Variants in PNPT1 observed in about 807,000 individuals in gnomAD.
PNPT1 encodes the protein polyribonucleotide nucleotidyltransferase 1, mitochondrial.
Under a neutral mutation model 119.5 loss-of-function variants are expected in PNPT1, and 53 were observed. The observed-to-expected ratio is 0.44, with a 90% confidence interval of 0.36 to 0.56. The LOEUF (loss-of-function observed/expected upper bound fraction) is 0.56. Among genes scored for constraint, PNPT1 ranks in the 20% least tolerant of loss-of-function variants. PNPT1 has a pLI of 0.00. For synonymous variants in PNPT1, 357 were observed against 322.1 expected, an observed-to-expected ratio of 1.11 and a Z score of -1.16; for missense variants, 948 against 938.5, an observed-to-expected ratio of 1.01 and a Z score of -0.13.
chr2:55,684,188 A>C (rs1331905809), intron 4 of PNPT1, among the ~76,000 whole-genome samples: 1 of 152,234 alleles, frequency 6.6e-6, no homozygotes, highest in African/African-American at 2.4e-5. Context: ...CTGTATATAA[A>C]TATACATAAA....
In PNPT1 at chr2:55,693,514, C is replaced by T; in HGVS notation, c.161+149G>A. The T allele has an allele frequency of 5.1e-6, 6 of 1,177,190 alleles. No homozygotes were observed. In the East Asian group the frequency reaches 1.5e-4, roughly 30 times the overall value. The allele number at this position is 1,177,190 out of a possible 1,614,324, so 72.9% of individuals were successfully genotyped here. Reference sequence around the variant, plus strand: ...GGGTCCGAGGAGACACATTCCAAACCCGGAAAGGGAAATTTGGAATTTAGG... The same window carrying T: ...GGGTCCGAGGAGACACATTCCAAACTCGGAAAGGGAAATTTGGAATTTAGG... On this transcript the variant is annotated intron_variant, in intron 1 of 27. Transcript: ENST00000447944.
At chr2:55,650,770 G>T (rs1163838084) in intron 18 of PNPT1, among the ~76,000 whole-genome samples, 1 of 150,786 alleles carries the variant, frequency 6.6e-6, no homozygotes, top group Non-Finnish European at 1.5e-5. Context: ...AGTCTGAGAA[G>T]TGAGGAGCCC....
At position 55,673,082 on chromosome 2, in the gene PNPT1, A is replaced by T. The variant is rs778119158; in HGVS notation, c.680-3T>A. On this transcript the variant is annotated splice_polypyrimidine_tract_variant and splice_region_variant and intron_variant, in intron 8 of 27. Transcript: ENST00000447944. ...CTCTGCAGAGGCTTCCAACATGACTATTTAAAGGAAAAAGAAAAAAAAAAT... is the reference window on the plus strand; with the variant it reads ...CTCTGCAGAGGCTTCCAACATGACTTTTTAAAGGAAAAAGAAAAAAAAAAT... The T allele has an allele frequency of 3.2e-6, 5 of 1,548,644 alleles. No homozygotes were observed. In the African/African-American group the frequency reaches 4.2e-5, roughly 13 times the overall value.
At chr2:55,646,230 T>C (rs935545613) in intron 21 of PNPT1, 29 bp downstream of exon 21, 1 of 1,580,798 alleles carries the variant, frequency 6.3e-7, no homozygotes. Flanking sequence ...TGGAAAAGAA[T>C]GAAGGGAGAA....
chr2:55,644,990 A>G (rs1049537601), intron 22 of PNPT1: 3 of 324,640 alleles, frequency 9.2e-6, no homozygotes, highest in Non-Finnish European at 1.7e-5. Context: ...ATTCATTCAT[A>G]TATTAATGTT....
rs771353755 is a variant in PNPT1 at position 55,637,563 on chromosome 2, G to T, written c.2185C>A (p.Gln729Lys). 25 of 1,604,046 alleles carry T rather than the reference G, an allele frequency of 1.6e-5. No individual in the cohort carries two copies. Among genetic ancestry groups the T allele is most frequent in the Non-Finnish European group, 3.4e-6 (4 of 1,171,210 alleles). ...TGGAATACAAATACCTGAATTTCTT[G>T]GCCAACTTCTAATCCTAGGGCAGTA... The part of the protein sequence containing the change: ...HPTALGLEVG[Q>K]EIQVKYFGRD... Residue 729 changes from glutamine to lysine, a missense_variant, in exon 27 of 28, where the codon CAA (glutamine) becomes AAA (lysine). By Grantham distance (53) the Gln-to-Lys change is moderately conservative. Transcript: ENST00000447944.
chr2:55,637,872 C>A (rs11676033), intron 26 of PNPT1, among the ~76,000 whole-genome samples: 1 of 151,640 alleles, frequency 6.6e-6, no homozygotes. Context: ...TGGTGGCGGG[C>A]GCCTGTAGTC....
At chr2:55,685,138 AAC>A (rs1452056448) in intron 3 of PNPT1, 90 bp from the exon 4 acceptor site, 6 of 908,124 alleles carry the variant, frequency 6.6e-6, no homozygotes, top group Admixed American at 3.1e-5. Flanking sequence ...GGTTGCTAAC[AAC>A]ACAGTCTAGA....
chr2:55,681,057 T>C lies in PNPT1; in HGVS notation c.454-139A>G, dbSNP rs145893493. 157 of 670,784 alleles carry C rather than the reference T, an allele frequency of 2.3e-4. 1 individual carries two copies. The African/African-American group carries it at 2.6e-3, about 11-fold the overall frequency. 41.6% of individuals were successfully genotyped at this position (670,784 alleles called of 1,614,324 possible). A position where few individuals can be genotyped will look rare whatever the true frequency, so the allele number is the denominator to read the frequency against. On this transcript the variant is annotated intron_variant, in intron 5 of 27. Coordinates refer to ENST00000447944, the MANE Select transcript of PNPT1 (RefSeq NM_033109.5). ...TAATTTTGGCTGTCATTAAACGAAATGCTTGACATTGGATAAATTACTTAA... is the reference window on the plus strand; with the variant it reads ...TAATTTTGGCTGTCATTAAACGAAACGCTTGACATTGGATAAATTACTTAA...
intron 18 of PNPT1, among the ~76,000 whole-genome samples, chr2:55,650,755 C>G (rs369966530): frequency 6.6e-6 from 1 of 150,484 alleles, no homozygotes; most frequent in Non-Finnish European, 1.5e-5. Flanking sequence ...GCCCGGCAAC[C>G]GCCCAGTCTG....
intron 26 of PNPT1, among the ~76,000 whole-genome samples, chr2:55,637,855 C>A (rs1385916364): frequency 2.0e-5 from 3 of 151,918 alleles, no homozygotes; most frequent in Non-Finnish European, 4.4e-5. Flanking sequence ...AAAAAATTAG[C>A]CGGGCATGGT....
At chr2:55,641,093 G>T (rs539891594) in intron 25 of PNPT1, among the ~76,000 whole-genome samples, 1 of 151,692 alleles carries the variant, frequency 6.6e-6, no homozygotes, top group African/African-American at 2.4e-5. Flanking sequence ...GCCTGGTGGC[G>T]CGCACCTGTA....
At chr2:55,646,197 A>G in intron 21 of PNPT1, 62 bp downstream of exon 21, 1 of 1,434,512 alleles carries the variant, frequency 7.0e-7, no homozygotes, top group Non-Finnish European at 9.6e-7. Context: ...GCCTAATGAG[A>G]ACTATAGTTC....
intron 15 of PNPT1, among the ~76,000 whole-genome samples, chr2:55,659,874 G>A (rs1696508832): frequency 2.0e-5 from 3 of 152,156 alleles, no homozygotes; most frequent in Admixed American, 1.3e-4. Flanking sequence ...CAACTTTACT[G>A]TATCCTGGAA....
intron 18 of PNPT1, among the ~76,000 whole-genome samples, chr2:55,651,408 CTT>C (rs1379367358): frequency 6.6e-6 from 1 of 151,898 alleles, no homozygotes; most frequent in South Asian, 2.1e-4. Context: ...ACGTGGGAGA[CTT>C]TTCATTTTGT....
chr2:55,654,122 T>C (rs782567), intron 18 of PNPT1, among the ~76,000 whole-genome samples: 68,376 of 151,828 alleles, frequency 0.45, 16,321 homozygotes, highest in Non-Finnish European at 0.53. Flanking sequence ...CCAGGCGTGG[T>C]AGCACGCACC....
chr2:55,647,286 A>C, intron 19 of PNPT1, 61 bp downstream of exon 19: 2 of 1,338,210 alleles, frequency 1.5e-6, no homozygotes, highest in South Asian at 1.4e-5. Context: ...TTATCTTTTA[A>C]TTTTTATTTA....
intron 8 of PNPT1, among the ~76,000 whole-genome samples, chr2:55,676,538 A>C (rs1697078218): frequency 6.6e-6 from 1 of 152,178 alleles, no homozygotes; most frequent in Admixed American, 6.5e-5. Context: ...TGGAGTAACT[A>C]TTCTTGCCGT....
Position 55,685,001 on chromosome 2 carries a change from G to A in PNPT1, c.345C>T (p.Asn115=), listed in dbSNP as rs1428673175. 2 of 1,595,252 alleles carry A rather than the reference G, an allele frequency of 1.3e-6. No homozygotes were observed. The highest frequency in any genetic ancestry group is 2.7e-5 in the African/African-American group (2 of 74,644). The change falls in exon 4 of 28, where the codon AAC becomes AAT. Residue 115 remains asparagine, a synonymous_variant. Coordinates refer to ENST00000447944, the MANE Select transcript of PNPT1 (RefSeq NM_033109.5). ...KAAAAGRIPT[N]YLRREIGTSD... is the part of the protein sequence containing the mutation. ...AAGTACCAATCTCTCTTCTCAGATA[G>A]TTTGTGGGAATTCTACCTGCTGCAG...
Sources: gnomAD v4.1 joint callset for allele counts (sites outside exome capture counted in the v4.1 genomes callset) on GRCh38, gnomAD v4.1.1 for gene constraint, MANE v1.5 for transcripts, NCBI Gene and HGNC (gene_info 2026-07-23, HGNC 2026-07-21) for gene names.